The following CDH12 variants were observed in gnomAD, a reference collection of about 807,000 sequenced individuals.
The protein encoded by CDH12 is cadherin 12.
In CDH12, 41 loss-of-function variants were observed where a neutral mutation model predicts 74.1. The observed-to-expected ratio is 0.55, with a 90% confidence interval of 0.43 to 0.72. The LOEUF is 0.72. CDH12 is among the 30% of genes least tolerant of loss of function. The pLI is 0.00. For missense variants in CDH12, 945 were observed against 977.2 expected (o/e 0.97, Z 0.44); for synonymous variants, 399 against 355.0 (o/e 1.12, Z -1.39).
chr5:22,199,573 A>G (rs1750808271), intron 4 of CDH12, among the ~76,000 whole-genome samples: 1 of 152,166 alleles, frequency 6.6e-6, no homozygotes, highest in Admixed American at 6.5e-5. Flanking sequence ...TGCAGATCAG[A>G]GCATAATTGG....
intron 1 of CDH12, among the ~76,000 whole-genome samples, chr5:22,509,592 G>A (rs1350286494): frequency 1.3e-5 from 2 of 152,132 alleles, no homozygotes; most frequent in Non-Finnish European, 2.9e-5. Flanking sequence ...AATTACCAAC[G>A]TTGTTAATGA....
intron 3 of CDH12, among the ~76,000 whole-genome samples, chr5:22,384,207 A>G (rs1251976669): frequency 6.6e-6 from 1 of 152,108 alleles, no homozygotes; most frequent in Non-Finnish European, 1.5e-5. Context: ...TAGCCTAGAT[A>G]AATATTAAAA....
At chr5:22,649,772 A>C (rs901397602) in intron 1 of CDH12, among the ~76,000 whole-genome samples, 2 of 151,958 alleles carry the variant, frequency 1.3e-5, no homozygotes, top group Non-Finnish European at 2.9e-5. Context: ...ATGAGCTAGT[A>C]AATCTAAAGG....
chr5:22,652,985 TG>T (rs1281667781), intron 1 of CDH12, among the ~76,000 whole-genome samples: 1 of 152,168 alleles, frequency 6.6e-6, no homozygotes, highest in Non-Finnish European at 1.5e-5. Flanking sequence ...AAATATTTTA[TG>T]GGGGAACACT....
intron 4 of CDH12, among the ~76,000 whole-genome samples, chr5:22,159,981 C>T (rs751009613): frequency 2.0e-5 from 3 of 151,984 alleles, no homozygotes; most frequent in Non-Finnish European, 2.9e-5. Flanking sequence ...ATGTTAGAGA[C>T]AACAAATGGT....
intron 11 of CDH12, among the ~76,000 whole-genome samples, chr5:21,766,417 A>G (rs1745026874): frequency 1.3e-5 from 2 of 151,934 alleles, no homozygotes; most frequent in Non-Finnish European, 2.9e-5. Flanking sequence ...AAAAATTGAT[A>G]TTGGTCACAA....
intron 4 of CDH12, among the ~76,000 whole-genome samples, chr5:22,118,372 G>A (rs183490556): frequency 4.6e-5 from 7 of 151,832 alleles, no homozygotes; most frequent in Non-Finnish European, 8.8e-5. Flanking sequence ...TACATATCTC[G>A]GAAATATTCG....
chr5:22,274,010 C>T (rs1248490445), intron 3 of CDH12, among the ~76,000 whole-genome samples: 1 of 152,046 alleles, frequency 6.6e-6, no homozygotes, highest in Admixed American at 6.6e-5. Context: ...TTTATATCCA[C>T]CACTATGAAT....
At chr5:22,117,702 C>G (rs1745256868) in intron 4 of CDH12, among the ~76,000 whole-genome samples, 1 of 149,184 alleles carries the variant, frequency 6.7e-6, no homozygotes, top group Non-Finnish European at 1.5e-5. Context: ...AACAGTAGAA[C>G]AGCAAAGATA....
intron 6 of CDH12, among the ~76,000 whole-genome samples, chr5:21,970,522 G>C (rs529824265): frequency 1.3e-5 from 2 of 152,046 alleles, no homozygotes; most frequent in East Asian, 3.9e-4. Flanking sequence ...TTCTTAGACC[G>C]TTTAAATATG....
At chr5:22,473,511 A>G (rs1417475924) in intron 2 of CDH12, among the ~76,000 whole-genome samples, 2 of 152,148 alleles carry the variant, frequency 1.3e-5, no homozygotes, top group Non-Finnish European at 2.9e-5. Flanking sequence ...TTTGTAAAGT[A>G]TATGTGAAGC....
chr5:22,425,821 G>A (rs1036831555), intron 2 of CDH12, among the ~76,000 whole-genome samples: 7 of 152,220 alleles, frequency 4.6e-5, no homozygotes, highest in African/African-American at 1.4e-4. Flanking sequence ...GCACAGAGGT[G>A]CACACCACTA....
chr5:22,385,884 C>CTTTT (rs969476085), intron 3 of CDH12, among the ~76,000 whole-genome samples: 8 of 95,394 alleles, frequency 8.4e-5, no homozygotes, highest in African/African-American at 1.6e-4. Flanking sequence ...TGGCTACGCG[C>CTTTT]TTTTTTTTTT....
intron 1 of CDH12, among the ~76,000 whole-genome samples, chr5:22,562,094 G>C (rs1176253108): frequency 6.6e-6 from 1 of 152,150 alleles, no homozygotes; most frequent in Admixed American, 6.5e-5. Context: ...GAGGCGGGCG[G>C]ATCATGAGGT....
chr5:22,487,049 T>TTTG (rs1554044439), intron 2 of CDH12, among the ~76,000 whole-genome samples: 4 of 151,346 alleles, frequency 2.6e-5, no homozygotes, highest in African/African-American at 9.7e-5. Context: ...ACGGCTTTTT[T>TTTG]TGTGTGTGTG....
At chr5:22,536,674 T>G (rs1737861076) in intron 1 of CDH12, among the ~76,000 whole-genome samples, 1 of 152,172 alleles carries the variant, frequency 6.6e-6, no homozygotes, top group Non-Finnish European at 1.5e-5. Flanking sequence ...TATAACGCAT[T>G]TGAATTTAGA....
chr5:21,771,270 G>A (rs1745310692), intron 11 of CDH12, among the ~76,000 whole-genome samples: 1 of 151,922 alleles, frequency 6.6e-6, no homozygotes, highest in Admixed American at 6.6e-5. Context: ...TTCTAGAATG[G>A]AATCTTAGCC....
At chr5:22,795,359 A>G (rs1748140545) in intron 1 of CDH12, among the ~76,000 whole-genome samples, 1 of 152,142 alleles carries the variant, frequency 6.6e-6, no homozygotes. Flanking sequence ...ACAAGTGTAC[A>G]ATGAAAGAAC....
chr5:22,248,726 T>C (rs1339940934), intron 3 of CDH12, among the ~76,000 whole-genome samples: 1 of 152,190 alleles, frequency 6.6e-6, no homozygotes, highest in African/African-American at 2.4e-5. Flanking sequence ...TCTTTCACAT[T>C]CTCCAAGTTT....
Sources: allele counts gnomAD v4.1 joint callset (sites outside exome capture counted in the v4.1 genomes callset), GRCh38; gene constraint gnomAD v4.1.1; transcripts MANE v1.5; gene names NCBI Gene and HGNC (gene_info 2026-07-23, HGNC 2026-07-21).